The following RFX3 variants were observed in gnomAD, a reference collection of about 807,000 sequenced individuals.
RFX3 encodes regulatory factor X3.
In RFX3, 14 loss-of-function variants were observed where a neutral mutation model predicts 98.6. The ratio of observed to expected loss-of-function variants is 0.14; its 90% CI spans 0.09 to 0.22. The LOEUF is 0.22. RFX3 is among the 10% of genes least tolerant of loss of function. RFX3 has a pLI of 1.00. For synonymous variants in RFX3, 383 were observed against 328.4 expected (o/e 1.17, Z -1.80); for missense variants, 639 against 926.9 (o/e 0.69, Z 4.03).
At chr9:3,232,821 T>G (rs1264701414) in intron 15 of RFX3, among the ~76,000 whole-genome samples, 108 of 99,876 alleles carry the variant, frequency 1.1e-3, no homozygotes, top group African/African-American at 2.2e-3. Context: ...GGATGTGGGG[T>G]GAGAGAGGGA....
At chr9:3,352,123 T>C (rs529710791) in intron 2 of RFX3, among the ~76,000 whole-genome samples, 1 of 152,180 alleles carries the variant, frequency 6.6e-6, no homozygotes, top group African/African-American at 2.4e-5. Context: ...TAGGCAAGAT[T>C]GCCAATACAT....
intron 1 of RFX3, among the ~76,000 whole-genome samples, chr9:3,421,578 C>G (rs2132352192): frequency 6.6e-6 from 1 of 152,248 alleles, no homozygotes; most frequent in South Asian, 2.1e-4. Context: ...AAGATGAAAA[C>G]TCTCAGCATT....
At chr9:3,317,889 T>C (rs1467686987) in intron 4 of RFX3, among the ~76,000 whole-genome samples, 2 of 152,144 alleles carry the variant, frequency 1.3e-5, no homozygotes, top group Non-Finnish European at 2.9e-5. Context: ...CTGGAGAGGA[T>C]GTGGAGAAAT....
chr9:3,474,539 CG>C (rs1418839974), intron 1 of RFX3, among the ~76,000 whole-genome samples: 1 of 152,162 alleles, frequency 6.6e-6, no homozygotes, highest in East Asian at 1.9e-4. Flanking sequence ...ATATCAATGA[CG>C]CTTTTAAAAT....
At chr9:3,432,724 G>C (rs1844762909) in intron 1 of RFX3, among the ~76,000 whole-genome samples, 1 of 152,174 alleles carries the variant, frequency 6.6e-6, no homozygotes. Context: ...TTATGAGGAA[G>C]AAGATGTAGA....
At chr9:3,486,236 C>T (rs536862471) in intron 1 of RFX3, among the ~76,000 whole-genome samples, 3 of 151,746 alleles carry the variant, frequency 2.0e-5, no homozygotes, top group South Asian at 2.1e-4. Context: ...ACCAAATATC[C>T]CTCTCTACCC....
chr9:3,253,895 T>A (rs1821759142), intron 14 of RFX3, among the ~76,000 whole-genome samples: 1 of 152,158 alleles, frequency 6.6e-6, no homozygotes, highest in Non-Finnish European at 1.5e-5. Flanking sequence ...TTTTCATTAC[T>A]CAATATGTTC....
At chr9:3,467,022 A>G (rs1203362115) in intron 1 of RFX3, among the ~76,000 whole-genome samples, 3 of 131,594 alleles carry the variant, frequency 2.3e-5, no homozygotes. Context: ...ACCTAAATCT[A>G]AAGAATTATA....
intron 1 of RFX3, among the ~76,000 whole-genome samples, chr9:3,483,133 G>C (rs886542764): frequency 3.3e-5 from 5 of 152,168 alleles, no homozygotes; most frequent in African/African-American, 1.2e-4. Flanking sequence ...GGGCAGGCAA[G>C]TGGGCAGCTA....
At chr9:3,282,728 C>G (rs928397217) in intron 7 of RFX3, among the ~76,000 whole-genome samples, 2 of 151,768 alleles carry the variant, frequency 1.3e-5, no homozygotes, top group African/African-American at 2.4e-5. Flanking sequence ...TTATCTCTTA[C>G]CCTTTCCCAC....
At chr9:3,320,030 A>T (rs1039585992) in intron 4 of RFX3, among the ~76,000 whole-genome samples, 1 of 152,186 alleles carries the variant, frequency 6.6e-6, no homozygotes, top group African/African-American at 2.4e-5. Context: ...GAAACCTAGG[A>T]TCAGGGTTTA....
At position 3,257,010 on chromosome 9, in the gene RFX3, G is replaced by C; in HGVS notation, c.1795C>G (p.Leu599Val). The change falls in exon 14 of 17, where the codon CTA becomes GTA. Residue 599 changes from leucine to valine, a missense_variant. By Grantham distance (32) the Leu-to-Val change is conservative (BLOSUM62 1). Transcript: ENST00000617270. ...SFPKAARQFL[L>V]KWSFYSSMVI... ...TGATACCTGTAGAAAGACCATTTTA[G>C]CAGAAACTGCCTGGCGGCTTTAGGA... 1 of 1,614,062 alleles carries C rather than the reference G, an allele frequency of 6.2e-7. No individual in the cohort carries two copies. Among genetic ancestry groups the C allele is most frequent in the Non-Finnish European group, 8.5e-7 (1 of 1,179,980 alleles).
intron 3 of RFX3, chr9:3,344,781 A>G: frequency 1.4e-6 from 1 of 694,420 alleles, no homozygotes; most frequent in Non-Finnish European, 2.6e-6. Context: ...GAGAGCATAA[A>G]GGTCGAAGTG....
rs1413170000 is a variant in RFX3 at position 3,228,742 on chromosome 9, C to A, written c.2011+105G>T. 4 of 860,086 alleles carry A rather than the reference C, an allele frequency of 4.7e-6. No homozygotes were observed. In the Admixed American group the frequency reaches 9.3e-5, roughly 20 times the overall value. 53.3% of individuals were successfully genotyped at this position (860,086 alleles called of 1,614,324 possible). A position where few individuals can be genotyped will look rare whatever the true frequency, so the allele number is the denominator to read the frequency against. On this transcript the variant is annotated intron_variant, in intron 16 of 16. Transcript: ENST00000617270. ...TCCTATTTATCTAGGATTTGTATGC[C>A]ACTTCCACAAAATCAGAGTGTTGTA...
rs1817491010 is a variant in RFX3, at chr9:3,223,756, G to A, written c.*1286C>T. ...GGCACACTTTGTCAAATGGATTGAA[G>A]AGTTAGTCACATGAACAAAATAAAC... On this transcript the variant is annotated 3_prime_UTR_variant, in exon 17 of 17. Transcript: ENST00000617270. 6.6e-6 allele frequency: 1 copy of A among 152,206 alleles called. No individual in the cohort carries two copies. 9.4% of individuals were successfully genotyped at this position (152,206 alleles called of 1,614,324 possible).
At chr9:3,373,649 C>T (rs1838101917) in intron 2 of RFX3, among the ~76,000 whole-genome samples, 1 of 152,114 alleles carries the variant, frequency 6.6e-6, no homozygotes, top group Admixed American at 6.5e-5. Context: ...TCTAGGTTTC[C>T]CAGTTCTGTG....
chr9:3,254,917 G>T (rs551027963), intron 14 of RFX3, among the ~76,000 whole-genome samples: 17 of 152,164 alleles, frequency 1.1e-4, no homozygotes, highest in Non-Finnish European at 2.4e-4. Flanking sequence ...CACAGAGCCA[G>T]ACAACACCTT....
At chr9:3,334,917 C>T (rs957994608) in intron 3 of RFX3, among the ~76,000 whole-genome samples, 9 of 151,800 alleles carry the variant, frequency 5.9e-5, no homozygotes, top group African/African-American at 2.2e-4. Flanking sequence ...GTCAGGAGTT[C>T]GAGACCAGCC....
intron 6 of RFX3, among the ~76,000 whole-genome samples, chr9:3,291,587 C>A (rs1361190951): frequency 6.6e-6 from 1 of 152,004 alleles, no homozygotes; most frequent in Admixed American, 6.6e-5. Flanking sequence ...TTTCTTTGGG[C>A]CATCATTTTT....
Sources: allele counts gnomAD v4.1 joint callset (sites outside exome capture counted in the v4.1 genomes callset), GRCh38; gene constraint gnomAD v4.1.1; transcripts MANE v1.5; gene names NCBI Gene and HGNC (gene_info 2026-07-23, HGNC 2026-07-21).